The following SMG7 variants were observed in gnomAD, a reference collection of about 807,000 sequenced individuals.
SMG7 encodes nonsense-mediated mRNA decay factor SMG7.
Under a neutral mutation model 148.2 loss-of-function variants are expected in SMG7, and 34 were observed. The ratio of observed to expected loss-of-function variants is 0.23; its 90% CI spans 0.17 to 0.31. SMG7 has a LOEUF of 0.31. Among genes scored for constraint, SMG7 ranks in the 10% least tolerant of loss-of-function variants. The pLI, the probability that SMG7 is intolerant of heterozygous loss-of-function variation, is 1.00. For synonymous variants in SMG7, 492 were observed against 515.1 expected (o/e 0.96, Z 0.61); for missense variants, 1,114 against 1,408.4 (o/e 0.79, Z 3.35).
chr1:183,508,735 G>A lies in SMG7; in HGVS notation c.30-4102G>A, dbSNP rs1431673838. Among the ~76,000 whole-genome samples the A allele has an allele frequency of 4.6e-5, 7 of 152,112 alleles. 1 individual carries two copies. Among genetic ancestry groups the A allele is most frequent in the Admixed American group, 4.6e-4 (7 of 15,270 alleles). ...ATATTTTGGGGATACAGAAAAAAAA[G>A]TTAGTGGATAATAGTATATAAGCCA... On this transcript the variant is annotated intron_variant, in intron 1 of 22. Transcript: ENST00000688051.
At chr1:183,475,454 T>C (rs1043159685) in intron 1 of SMG7, among the ~76,000 whole-genome samples, 1 of 152,172 alleles carries the variant, frequency 6.6e-6, no homozygotes, top group Non-Finnish European at 1.5e-5. Flanking sequence ...GGGTAGACAA[T>C]GGAGAATCTG....
chr1:183,502,479 T>G, intron 1 of SMG7: 1 of 1,074,078 alleles, frequency 9.3e-7, no homozygotes, highest in Non-Finnish European at 1.3e-6. Flanking sequence ...CTAATAAAAT[T>G]AGAAACTTCC....
intron 18 of SMG7, among the ~76,000 whole-genome samples, chr1:183,548,159 C>T (rs1670266419): frequency 6.6e-6 from 1 of 152,072 alleles, no homozygotes; most frequent in Admixed American, 6.6e-5. Flanking sequence ...TGCTGCCATC[C>T]CTGGCACTTG....
chr1:183,529,811 A>C (rs1373115782), intron 8 of SMG7, among the ~76,000 whole-genome samples: 1 of 152,154 alleles, frequency 6.6e-6, no homozygotes, highest in East Asian at 1.9e-4. Flanking sequence ...CTCAGTTTTG[A>C]AACTACTACT....
chr1:183,542,258 TA>T lies in SMG7; in HGVS notation c.1600del (p.Ser534AlafsTer23), dbSNP rs1484135178. 1 of 1,614,134 alleles carries T rather than the reference TA, an allele frequency of 6.2e-7. No homozygotes were observed. Among genetic ancestry groups the T allele is most frequent in the South Asian group, 1.1e-5 (1 of 91,086 alleles). ...LKSVLSTSRN[L>X]SNNCDTGEKP... ...TCAGTGCTATCTACAAGCCGAAATTTAAGCAACAACTGTGACACAGGAGAGA... is the reference window on the plus strand; with the variant it reads ...TCAGTGCTATCTACAAGCCGAAATTTAGCAACAACTGTGACACAGGAGAGA... On this transcript the variant is annotated frameshift_variant, in exon 14 of 23. Coordinates refer to ENST00000688051, the MANE Select transcript of SMG7 (RefSeq NM_001375584.1). LOFTEE classifies it high-confidence loss of function.
intron 4 of SMG7, among the ~76,000 whole-genome samples, chr1:183,520,170 A>G (rs1475596663): frequency 6.6e-6 from 1 of 152,212 alleles, no homozygotes; most frequent in East Asian, 1.9e-4. Context: ...TCTACAAGAG[A>G]ATAATAGTTA....
At chr1:183,488,975 C>T (rs1362066599) in intron 1 of SMG7, among the ~76,000 whole-genome samples, 3 of 152,132 alleles carry the variant, frequency 2.0e-5, no homozygotes, top group East Asian at 1.9e-4. Flanking sequence ...TGAGCCACCA[C>T]GCCTGGCCAA....
At chr1:183,486,332 C>T (rs1655410208) in intron 1 of SMG7, among the ~76,000 whole-genome samples, 1 of 152,186 alleles carries the variant, frequency 6.6e-6, no homozygotes, top group Non-Finnish European at 1.5e-5. Flanking sequence ...ATAATTAGTA[C>T]TATTCTTCAT....
chr1:183,533,703 G>A lies in SMG7; in HGVS notation c.1034G>A (p.Cys345Tyr). 5.6e-6 allele frequency: 9 copies of A among 1,612,110 alleles called. No homozygotes were observed. Among genetic ancestry groups the A allele is most frequent in the Non-Finnish European group, 7.6e-6 (9 of 1,179,042 alleles). ...FMSFLGILCK[C>Y]PLQNESQEES... Reference sequence around the variant, plus strand: ...TCTTTTCTTGGCATCCTGTGCAAGTGTCCTCTACAGAATGAGTCTCAGGAG... The same window carrying A: ...TCTTTTCTTGGCATCCTGTGCAAGTATCCTCTACAGAATGAGTCTCAGGAG... The change falls in exon 10 of 23, where the codon TGT becomes TAT. Residue 345 changes from cysteine to tyrosine, a missense_variant. Cys to Tyr is a radical substitution (Grantham distance 194). Coordinates refer to ENST00000688051, the MANE Select transcript of SMG7 (RefSeq NM_001375584.1).
intron 13 of SMG7, 23 bp downstream of exon 13, chr1:183,541,126 AC>A: frequency 6.2e-7 from 1 of 1,608,428 alleles, no homozygotes; most frequent in Non-Finnish European, 8.5e-7. Flanking sequence ...CTTCTGGTCT[AC>A]CCCTTTTTAA....
At chr1:183,507,018 A>G (rs1661080854) in intron 1 of SMG7, among the ~76,000 whole-genome samples, 1 of 151,484 alleles carries the variant, frequency 6.6e-6, no homozygotes, top group Non-Finnish European at 1.5e-5. Flanking sequence ...AGCTGGGACT[A>G]CGGGTACATG....
rs548369506 is a variant in SMG7 at position 183,549,106 on chromosome 1, C to T, written c.2893-102C>T. On this transcript the variant is annotated intron_variant, in intron 18 of 22. Transcript: ENST00000688051. ...TGAGCCTCAAATTGTACTCAGTGGG[C>T]GAATACAGGCATGCTTTTGCTTTGG... is the stretch of plus-strand genomic sequence containing the variant. 3.8e-5 allele frequency: 31 copies of T among 805,518 alleles called. No individual in the cohort carries two copies. The Admixed American group carries it at 4.1e-4, about 11-fold the overall frequency. 49.9% of individuals were successfully genotyped at this position (805,518 alleles called of 1,614,324 possible).
At position 183,538,457 on chromosome 1, in the gene SMG7, G is replaced by A. The variant is rs1447229918; in HGVS notation, c.1295+17G>A. ...TTCTTTCAGGTAGGTGATAGCTGAA[G>A]TACCTTTATCATTGCCAGTGATTGC... On this transcript the variant is annotated intron_variant, in intron 12 of 22. Transcript: ENST00000688051. 3.9e-6 allele frequency: 6 copies of A among 1,549,682 alleles called. No individual in the cohort carries two copies. Among genetic ancestry groups the A allele is most frequent in the Non-Finnish European group, 5.4e-6 (6 of 1,121,386 alleles).
rs753143535 is a variant in SMG7, at chr1:183,538,385, C to G, written c.1240C>G (p.Pro414Ala). The change falls in exon 12 of 23, where the codon CCA becomes GCA. Residue 414 changes from proline to alanine, a missense_variant. By Grantham distance (27) the Pro-to-Ala change is conservative. Transcript: ENST00000688051. ...EEDLSSISAT[P>A]LPEEFELQGF... ...TTTTGATTTTGACCCTTTAGCGACA[C>G]CACTTCCAGAGGAGTTTGAATTACA... The G allele has an allele frequency of 6.2e-7, 1 of 1,612,418 alleles. No individual in the cohort carries two copies. The highest frequency in any genetic ancestry group is 8.5e-7 in the Non-Finnish European group (1 of 1,178,492).
chr1:183,530,410 T>A (rs943363459), intron 8 of SMG7, among the ~76,000 whole-genome samples: 2 of 152,178 alleles, frequency 1.3e-5, no homozygotes, highest in Admixed American at 1.3e-4. Flanking sequence ...TGATACTTTC[T>A]ATGTGCAAGA....
intron 1 of SMG7, among the ~76,000 whole-genome samples, chr1:183,512,601 G>A (rs1662394891): frequency 6.6e-6 from 1 of 152,098 alleles, no homozygotes; most frequent in African/African-American, 2.4e-5. Flanking sequence ...TAGCAGAAGA[G>A]GTCACTTAAC....
chr1:183,493,820 T>A (rs1183308938), intron 1 of SMG7, among the ~76,000 whole-genome samples: 1 of 152,136 alleles, frequency 6.6e-6, no homozygotes, highest in Non-Finnish European at 1.5e-5. Context: ...CCTCAGGTGA[T>A]CTGCCCGCCC....
At chr1:183,487,713 T>G (rs1226268129) in intron 1 of SMG7, among the ~76,000 whole-genome samples, 1 of 152,222 alleles carries the variant, frequency 6.6e-6, no homozygotes, top group Non-Finnish European at 1.5e-5. Flanking sequence ...CAGTCCCCAC[T>G]TTCTCTCATT....
intron 4 of SMG7, among the ~76,000 whole-genome samples, chr1:183,523,887 TA>T (rs1266478928): frequency 1.3e-5 from 2 of 151,864 alleles, no homozygotes; most frequent in Non-Finnish European, 2.9e-5. Flanking sequence ...GTCAGTTCTT[TA>T]ACCCTCTCAT....
Sources: allele counts gnomAD v4.1 joint callset (sites outside exome capture counted in the v4.1 genomes callset), GRCh38; gene constraint gnomAD v4.1.1; transcripts MANE v1.5; gene names NCBI Gene and HGNC (gene_info 2026-07-23, HGNC 2026-07-21).